ARHGAP6: variants seen among roughly 807,000 people sequenced by gnomAD.
The protein encoded by ARHGAP6 is rho GTPase-activating protein 6.
A neutral mutation model predicts 55.7 loss-of-function variants in ARHGAP6; 16 were observed. The ratio of observed to expected loss-of-function variants is 0.29; its 90% CI spans 0.19 to 0.44. The LOEUF (loss-of-function observed/expected upper bound fraction) is 0.44. Ranked by LOEUF, ARHGAP6 falls within the 20% of genes least tolerant of loss-of-function variation. The pLI, the probability that ARHGAP6 is intolerant of heterozygous loss-of-function variation, is 1.00. For missense variants in ARHGAP6, 698 were observed against 808.9 expected (o/e 0.86, Z 1.66); for synonymous variants, 382 against 360.9 (o/e 1.06, Z -0.66).
At chrX:11,419,060 A>G (rs1322261135) in intron 1 of ARHGAP6, among the ~76,000 whole-genome samples, 4 of 112,358 alleles carry the variant, frequency 3.6e-5, no homozygotes, top group African/African-American at 1.3e-4. Context: ...CCAAGAAGTC[A>G]GAGTATTTAC....
At chrX:11,635,068 T>C (rs936750370) in intron 1 of ARHGAP6, among the ~76,000 whole-genome samples, 1 of 112,616 alleles carries the variant, frequency 8.9e-6, no homozygotes, top group Non-Finnish European at 1.9e-5. Context: ...TTTTTTGTCA[T>C]GTGGACCTCT....
At chrX:11,567,909 C>T (rs1166546948) in intron 1 of ARHGAP6, among the ~76,000 whole-genome samples, 1 of 110,760 alleles carries the variant, frequency 9.0e-6, no homozygotes, top group Admixed American at 9.7e-5. Context: ...AGCTCCTGGG[C>T]CCAAGCAATT....
intron 1 of ARHGAP6, among the ~76,000 whole-genome samples, chrX:11,465,955 C>G (rs894963698): frequency 9.1e-6 from 1 of 110,398 alleles, no homozygotes; most frequent in African/African-American, 3.3e-5. Context: ...CCTCCTCCTC[C>G]TCTTCCTTCT....
chrX:11,304,940 C>G (rs1357560969), intron 1 of ARHGAP6, among the ~76,000 whole-genome samples: 1 of 108,073 alleles, frequency 9.3e-6, no homozygotes, highest in Non-Finnish European at 1.9e-5. Context: ...CCAGGCACCA[C>G]CATGCCTGGC....
At chrX:11,590,458 C>CA (rs111698496) in intron 1 of ARHGAP6, among the ~76,000 whole-genome samples, 3,214 of 103,345 alleles carry the variant, frequency 0.031, 65 homozygotes, top group Middle Eastern at 0.044. Flanking sequence ...AATTATTAAA[C>CA]AAAAAAAAAA....
intron 8 of ARHGAP6, among the ~76,000 whole-genome samples, chrX:11,170,788 A>G (rs1233766610): frequency 8.9e-6 from 1 of 111,951 alleles, no homozygotes; most frequent in Non-Finnish European, 1.9e-5. Context: ...TGAAGGGCTG[A>G]AAAGGGGTTC....
At chrX:11,325,720 A>G (rs2042737770) in intron 1 of ARHGAP6, among the ~76,000 whole-genome samples, 1 of 112,464 alleles carries the variant, frequency 8.9e-6, no homozygotes. Flanking sequence ...GACCAAACTT[A>G]TTTTTAAAAG....
intron 2 of ARHGAP6, among the ~76,000 whole-genome samples, chrX:11,220,028 C>T (rs2046944709): frequency 9.6e-6 from 1 of 104,607 alleles, no homozygotes; most frequent in Non-Finnish European, 2.0e-5. Context: ...TTAGGTCTAA[C>T]GTTTAAGTCT....
chrX:11,184,816 A>T (rs1213072917), intron 5 of ARHGAP6, among the ~76,000 whole-genome samples: 1 of 111,906 alleles, frequency 8.9e-6, no homozygotes, highest in African/African-American at 3.3e-5. Context: ...TAGTGTGATT[A>T]TCCGGTTTTC....
intron 1 of ARHGAP6, among the ~76,000 whole-genome samples, chrX:11,570,012 C>A (rs1466974767): frequency 8.9e-6 from 1 of 112,109 alleles, no homozygotes; most frequent in African/African-American, 3.2e-5. Context: ...AATCTCAAGT[C>A]TGGAGTATAA....
intron 1 of ARHGAP6, among the ~76,000 whole-genome samples, chrX:11,463,860 T>C (rs1453635802): frequency 2.7e-5 from 3 of 112,079 alleles, no homozygotes; most frequent in Non-Finnish European, 5.6e-5. Flanking sequence ...CAACATGGCC[T>C]TCAATTATAA....
chrX:11,392,380 C>T (rs2049417574), intron 1 of ARHGAP6, among the ~76,000 whole-genome samples: 1 of 111,303 alleles, frequency 9.0e-6, no homozygotes, highest in Non-Finnish European at 1.9e-5. Flanking sequence ...GGTTTTTCAC[C>T]AGCTGTTTAT....
At chrX:11,515,166 G>A (rs751961523) in intron 1 of ARHGAP6, among the ~76,000 whole-genome samples, 3 of 111,990 alleles carry the variant, frequency 2.7e-5, no homozygotes, top group Non-Finnish European at 5.6e-5. Flanking sequence ...ATCCAAGATA[G>A]ATTGTCTTAC....
At chrX:11,382,671 C>T (rs1255844052) in intron 1 of ARHGAP6, among the ~76,000 whole-genome samples, 2 of 74,229 alleles carry the variant, frequency 2.7e-5, no homozygotes, top group Non-Finnish European at 5.7e-5. Context: ...GTAGATCCCC[C>T]AAAATTACCC....
At chrX:11,457,083 T>A (rs547558663) in intron 1 of ARHGAP6, among the ~76,000 whole-genome samples, 1 of 111,622 alleles carries the variant, frequency 9.0e-6, no homozygotes, top group South Asian at 3.8e-4. Context: ...CCTGTGCATA[T>A]CCCCTAGATC....
intron 1 of ARHGAP6, among the ~76,000 whole-genome samples, chrX:11,310,333 C>A (rs898329037): frequency 9.1e-6 from 1 of 109,919 alleles, no homozygotes; most frequent in Non-Finnish European, 1.9e-5. Context: ...TAGGTATATA[C>A]CCAAGAAATA....
At chrX:11,540,027 A>G (rs62587979) in intron 1 of ARHGAP6, among the ~76,000 whole-genome samples, 30,729 of 109,409 alleles carry the variant, frequency 0.28, 3,417 homozygotes, top group Middle Eastern at 0.39. Flanking sequence ...AGGCCGAGGT[A>G]GGCGGATCAT....
At chrX:11,241,531 CGTGTGTGTGTGTGTGT>C (rs55815640) in intron 2 of ARHGAP6, among the ~76,000 whole-genome samples, 2,282 of 91,688 alleles carry the variant, frequency 0.025, 74 homozygotes, top group African/African-American at 0.084. Flanking sequence ...ATGCTGGATA[CGTGTGTGTGTGTGTGT>C]GTGTGTGTGT....
intron 1 of ARHGAP6, among the ~76,000 whole-genome samples, chrX:11,609,227 G>C (rs911670067): frequency 9.0e-6 from 1 of 111,689 alleles, no homozygotes; most frequent in Non-Finnish European, 1.9e-5. Flanking sequence ...GATGCAGGGA[G>C]TTTACATAGG....
Sources: allele counts gnomAD v4.1 joint callset (sites outside exome capture counted in the v4.1 genomes callset), GRCh38; gene constraint gnomAD v4.1.1; transcripts MANE v1.5; gene names NCBI Gene and HGNC (gene_info 2026-07-23, HGNC 2026-07-21).